OGFOD3: variants seen among roughly 807,000 people sequenced by gnomAD.
OGFOD3 encodes the protein 2-oxoglutarate and iron-dependent oxygenase domain-containing protein 3.
A neutral mutation model predicts 39.8 loss-of-function variants in OGFOD3; 35 were observed. The ratio of observed to expected loss-of-function variants is 0.88; its 90% confidence interval spans 0.67 to 1.17. The LOEUF (loss-of-function observed/expected upper bound fraction) is 1.17. Ranked by LOEUF, OGFOD3 falls within the 50% of genes most tolerant of loss-of-function variation. The probability of loss-of-function intolerance (pLI) is 0.00; values close to 1 mark genes in which losing one functional copy is unlikely to be tolerated. For missense variants in OGFOD3, 438 were observed against 454.5 expected, an observed-to-expected ratio of 0.96 and a Z score of 0.33; for synonymous variants, 200 against 192.0, an observed-to-expected ratio of 1.04 and a Z score of -0.34.
intron 8 of OGFOD3, among the ~76,000 whole-genome samples, chr17:82,395,351 AT>A (rs1471278518): frequency 6.6e-6 from 1 of 152,106 alleles, no homozygotes; most frequent in Non-Finnish European, 1.5e-5. Flanking sequence ...ATTTTAATCC[AT>A]TTCTTTTCAC....
Position 82,415,331 on chromosome 17 carries a change from C to A in OGFOD3, c.304+67G>T. On this transcript the variant is annotated intron_variant, in intron 2 of 8. Transcript: ENST00000313056. The surrounding 1 kb of genome is among the most constrained non-coding windows in gnomAD (Gnocchi z 5.3). ...ACCACATCCAACCCAATTCCCACCC[C>A]TTCGTCGCAGCCAATGTCCTTTAAC... is the stretch of plus-strand genomic sequence containing the variant. The A allele has an allele frequency of 1.3e-6, 2 of 1,489,210 alleles. No individual in the cohort carries two copies. The highest frequency in any genetic ancestry group is 1.8e-6 in the Non-Finnish European group (2 of 1,081,570). 92.2% of individuals were successfully genotyped at this position (1,489,210 alleles called of 1,614,324 possible). A position where few individuals can be genotyped will look rare whatever the true frequency, so the allele number is the denominator to read the frequency against.
chr17:82,395,243 G>C (rs1285998390), intron 8 of OGFOD3, among the ~76,000 whole-genome samples: 1 of 152,122 alleles, frequency 6.6e-6, no homozygotes, highest in Non-Finnish European at 1.5e-5. Flanking sequence ...TTTTGGCCAG[G>C]CTGGTCTTGA....
In OGFOD3 at chr17:82,411,458, C is replaced by G. The variant is rs1311028523; in HGVS notation, c.377G>C (p.Arg126Pro). ...GTGCTCAGGGACAGGCGGTTACCTG[C>G]GAATCCGCTCCGCTTCCTCCCTGGT... ...VITREEAERI[R>P]SVAEKGLSLG... Residue 126 changes from arginine to proline, a missense_variant, in exon 3 of 9, where the codon CGC becomes CCC. Physicochemically the swap from Arg to Pro is moderately radical, Grantham distance 103. Coordinates refer to ENST00000313056, the MANE Select transcript of OGFOD3 (RefSeq NM_024648.3). 6.2e-7 allele frequency: 1 copy of G among 1,613,930 alleles called. No individual in the cohort carries two copies.
rs200591786 is a variant in OGFOD3, at chr17:82,409,439, G to T, written c.381-29C>A. The T allele has an allele frequency of 5.6e-6, 9 of 1,610,874 alleles. No individual in the cohort carries two copies. The South Asian group carries it at 7.7e-5, about 14-fold the overall frequency. ...CAGGGAGAAAATAATTCAGAATTTC[G>T]TTGCTAGAATTGTCTATAATGTATA... is the stretch of plus-strand genomic sequence containing the variant. On this transcript the variant is annotated intron_variant, in intron 3 of 8. Transcript: ENST00000313056.
At chr17:82,399,204 G>A (rs1212407413) in intron 7 of OGFOD3, among the ~76,000 whole-genome samples, 1 of 152,166 alleles carries the variant, frequency 6.6e-6, no homozygotes, top group African/African-American at 2.4e-5. Context: ...TTGTTCCTTT[G>A]CAACTTTAAA....
At position 82,390,973 on chromosome 17, in the gene OGFOD3, G is replaced by C. The variant is rs1467553297; in HGVS notation, c.*1425C>G. Reference sequence around the variant, plus strand: ...TAATGCTGCCCTTTATCAACCCCCAGAGCAGCTCCCGGGCCACAGGTGGGG... The same window carrying C: ...TAATGCTGCCCTTTATCAACCCCCACAGCAGCTCCCGGGCCACAGGTGGGG... On this transcript the variant is annotated 3_prime_UTR_variant, in exon 9 of 9. Coordinates refer to ENST00000313056, the MANE Select transcript of OGFOD3 (RefSeq NM_024648.3). This position sits in a 1 kb window ranked among gnomAD's most constrained non-coding sequence, Gnocchi z 4.9. 3 of 192,310 alleles carry C rather than the reference G, an allele frequency of 1.6e-5. No homozygotes were observed. Among genetic ancestry groups the C allele is most frequent in the Non-Finnish European group, 3.3e-5 (3 of 91,122 alleles). The allele number at this position is 192,310 out of a possible 1,614,324, so 11.9% of individuals were successfully genotyped here. A position where few individuals can be genotyped will look rare whatever the true frequency, so the allele number is the denominator to read the frequency against.
At position 82,403,975 on chromosome 17, in the gene OGFOD3, T is replaced by C; in HGVS notation, c.661A>G (p.Thr221Ala). 6.2e-7 allele frequency: 1 copy of C among 1,609,242 alleles called. No homozygotes were observed. The highest frequency in any genetic ancestry group is 8.5e-7 in the Non-Finnish European group (1 of 1,178,350). The change falls in exon 7 of 9, where the codon ACG becomes GCG. Residue 221 changes from threonine (T) to alanine (A), a missense_variant. Transcript: ENST00000313056. Reference protein sequence around the residue: ...FSRINSTEARTAHDEYWHAHV... With the variant: ...FSRINSTEARAAHDEYWHAHV... ...GCATGCCAGTACTCGTCGTGCGCCG[T>C]CCGCGCTTCCGTGCTGTTTATGCGG...
chr17:82,403,920 C>A lies in OGFOD3; in HGVS notation c.699+17G>T, dbSNP rs914717702. 3.8e-6 allele frequency: 6 copies of A among 1,589,828 alleles called. No individual in the cohort carries two copies. Among genetic ancestry groups the A allele is most frequent in the African/African-American group, 2.7e-5 (2 of 74,250 alleles). ...CTTGTCCACGGGCACGCTCACCCTG[C>A]CCACGGGCGCGCTCACCTTGTCCAC... is the stretch of plus-strand genomic sequence containing the variant. On this transcript the variant is annotated intron_variant, in intron 7 of 8. Transcript: ENST00000313056.
Position 82,415,570 on chromosome 17 carries a change from T to C in OGFOD3, c.132A>G (p.Leu44=). The change falls in exon 2 of 9, where the codon CTA becomes CTG. Residue 44 remains leucine, a synonymous_variant. Coordinates refer to ENST00000313056, the MANE Select transcript of OGFOD3 (RefSeq NM_024648.3). The surrounding 1 kb of genome is among the most constrained non-coding windows in gnomAD (Gnocchi z 5.3). ...EVQRLWQRPW[L]RTAGLGAGFV... The stretch of plus-strand genomic sequence containing the variant: ...AGCCAGCCCCCAGGCCCGCGGTCCT[T>C]AGCCACGGCCTCTGCCACAGCCTCT... 6.2e-7 allele frequency: 1 copy of C among 1,613,466 alleles called. No homozygotes were observed. Among genetic ancestry groups the C allele is most frequent in the East Asian group, 2.2e-5 (1 of 44,872 alleles).
chr17:82,395,804 G>A (rs574488952), intron 8 of OGFOD3, among the ~76,000 whole-genome samples: 34 of 152,296 alleles, frequency 2.2e-4, no homozygotes, highest in African/African-American at 7.0e-4. Flanking sequence ...CTGGGCGACA[G>A]AGCGAGACTC....
intron 8 of OGFOD3, chr17:82,393,871 CA>C (rs1047495571): frequency 2.6e-5 from 4 of 151,992 alleles, no homozygotes; most frequent in African/African-American, 4.8e-5. Context: ...CACCAAAGGA[CA>C]GGGGGAAGGA....
chr17:82,392,193 C>A lies in OGFOD3; in HGVS notation c.*205G>T. ...CACCTCAGGCTCCCAGGCCTACAGC[C>A]CAAGCACACATGATGCTGGAGAAGT... On this transcript the variant is annotated 3_prime_UTR_variant, in exon 9 of 9. Coordinates refer to ENST00000313056, the MANE Select transcript of OGFOD3 (RefSeq NM_024648.3). This position sits in a 1 kb window ranked among gnomAD's most constrained non-coding sequence, Gnocchi z 4.2. 1 of 648,800 alleles carries A rather than the reference C, an allele frequency of 1.5e-6. No homozygotes were observed. The highest frequency in any genetic ancestry group is 2.6e-6 in the Non-Finnish European group (1 of 384,980). The allele number at this position is 648,800 out of a possible 1,614,324, so 40.2% of individuals were successfully genotyped here. A position where few individuals can be genotyped will look rare whatever the true frequency, so the allele number is the denominator to read the frequency against.
At chr17:82,394,783 C>T (rs2052647058) in intron 8 of OGFOD3, among the ~76,000 whole-genome samples, 1 of 152,216 alleles carries the variant, frequency 6.6e-6, no homozygotes, top group African/African-American at 2.4e-5. Flanking sequence ...AGAGCAGCAG[C>T]TCAGCATCCA....
intron 1 of OGFOD3, 116 bp downstream of exon 1, chr17:82,418,296 C>CCCCCCCCACCCCCCCACCCCCCCA (rs936870289): frequency 5.7e-5 from 3 of 52,772 alleles, no homozygotes; most frequent in African/African-American, 4.6e-4. Flanking sequence ...GCCCACCTGC[C>CCCCCCCCACCCCCCCACCCCCCCA]CCCCCCCACC....
intron 8 of OGFOD3, chr17:82,394,353 A>C (rs780106787): frequency 6.4e-7 from 1 of 1,570,852 alleles, no homozygotes; most frequent in South Asian, 1.2e-5. Context: ...AGCAGGACTC[A>C]GCACGGCAAC....
At chr17:82,401,722 T>G (rs1349549278) in intron 7 of OGFOD3, among the ~76,000 whole-genome samples, 2 of 145,202 alleles carry the variant, frequency 1.4e-5, no homozygotes, top group Admixed American at 1.4e-4. Context: ...GAGAATGGCT[T>G]GAACCTGGGA....
At chr17:82,394,613 A>C in intron 8 of OGFOD3, 1 of 1,272,518 alleles carries the variant, frequency 7.9e-7, no homozygotes, top group Non-Finnish European at 1.1e-6. Context: ...CACACCCTAC[A>C]CCCTCCAGAG....
chr17:82,411,977 G>C (rs993453483), intron 2 of OGFOD3, among the ~76,000 whole-genome samples: 7 of 151,390 alleles, frequency 4.6e-5, no homozygotes, highest in Non-Finnish European at 7.4e-5. Context: ...CACCAGAGGG[G>C]GGAACCCTCC....
At chr17:82,405,820 C>T (rs1044100294) in intron 5 of OGFOD3, among the ~76,000 whole-genome samples, 2 of 152,092 alleles carry the variant, frequency 1.3e-5, no homozygotes, top group Non-Finnish European at 2.9e-5. Context: ...CGTGGTGGTG[C>T]GTGCCTGTAA....
Sources: allele counts gnomAD v4.1 joint callset (sites outside exome capture counted in the v4.1 genomes callset), GRCh38; gene constraint gnomAD v4.1.1; non-coding constraint Gnocchi (gnomAD v3.1); transcripts MANE v1.5; gene names NCBI Gene and HGNC (gene_info 2026-07-23, HGNC 2026-07-21).